Variants in SUGCT observed in about 807,000 individuals in gnomAD.
The protein encoded by SUGCT is succinyl-CoA:glutarate CoA-transferase.
SUGCT carries 41 observed loss-of-function variants against 55.0 expected under a neutral mutation model. That is an observed-to-expected ratio of 0.74 (90% CI 0.58 to 0.97). The LOEUF (loss-of-function observed/expected upper bound fraction) is 0.97. SUGCT is among the 50% of genes least tolerant of loss of function. SUGCT has a pLI of 0.00. For missense variants in SUGCT, 568 were observed against 547.8 expected (o/e 1.04, Z -0.37); for synonymous variants, 187 against 200.4 (o/e 0.93, Z 0.56).
intron 6 of SUGCT, among the ~76,000 whole-genome samples, chr7:40,221,816 G>A (rs1788040717): frequency 6.6e-6 from 1 of 152,096 alleles, no homozygotes; most frequent in African/African-American, 2.4e-5. Context: ...ATTAATAAAT[G>A]TTAATTGAAT....
intron 13 of SUGCT, among the ~76,000 whole-genome samples, chr7:40,843,775 G>T (rs570574823): frequency 1.3e-5 from 2 of 152,054 alleles, no homozygotes; most frequent in Admixed American, 1.3e-4. Context: ...GAACCCCATC[G>T]CCTATTGTGA....
At chr7:40,656,854 C>A (rs545903629) in intron 12 of SUGCT, among the ~76,000 whole-genome samples, 7 of 152,338 alleles carry the variant, frequency 4.6e-5, no homozygotes, top group African/African-American at 1.7e-4. Context: ...AGACCCTCAA[C>A]TGGGGCTTTC....
chr7:40,711,390 G>A (rs1026837899), intron 12 of SUGCT, among the ~76,000 whole-genome samples: 4 of 151,970 alleles, frequency 2.6e-5, no homozygotes, highest in Non-Finnish European at 5.9e-5. Context: ...CACACCTGTA[G>A]TCCCAGCTGC....
chr7:40,287,795 G>A (rs930844381), intron 8 of SUGCT, among the ~76,000 whole-genome samples: 13 of 152,050 alleles, frequency 8.5e-5, no homozygotes, highest in African/African-American at 3.1e-4. Flanking sequence ...CATAGTGCCT[G>A]GCTTTCCTTA....
At chr7:40,518,915 T>G (rs1049712266) in intron 12 of SUGCT, among the ~76,000 whole-genome samples, 3 of 152,078 alleles carry the variant, frequency 2.0e-5, no homozygotes, top group African/African-American at 7.2e-5. Flanking sequence ...CATGATATAA[T>G]AAATGCTTAA....
chr7:40,947,536 G>A, the SUGCT span, among the ~76,000 whole-genome samples: 1 of 150,750 alleles, frequency 6.6e-6, no homozygotes, highest in Non-Finnish European at 1.5e-5. Flanking sequence ...GCATGTCTAA[G>A]AATTTTTCTG....
chr7:40,363,050 T>G (rs1369177218), intron 9 of SUGCT, among the ~76,000 whole-genome samples: 1 of 152,210 alleles, frequency 6.6e-6, no homozygotes, highest in Non-Finnish European at 1.5e-5. Flanking sequence ...GGAGGGTGTA[T>G]GTGTCGAGGA....
intron 13 of SUGCT, among the ~76,000 whole-genome samples, chr7:40,750,127 A>C (rs1188417448): frequency 6.6e-6 from 1 of 152,112 alleles, no homozygotes; most frequent in African/African-American, 2.4e-5. Context: ...CCTCATGCCT[A>C]CTCTCAAAGC....
Position 40,244,205 on chromosome 7 carries a change from G to A in SUGCT, c.576+6479G>A, listed in dbSNP as rs1007656664. Among the ~76,000 whole-genome samples, 4 of 152,192 alleles carry A rather than the reference G, an allele frequency of 2.6e-5. No individual in the cohort carries two copies. The South Asian group carries it at 8.3e-4, about 32-fold the overall frequency. The stretch of plus-strand genomic sequence containing the variant: ...AACAAAATTAAAAAATATATATAAA[G>A]TATAAATGTGGTTCAGGGTAGGACT... On this transcript the variant is annotated intron_variant, in intron 7 of 13. Coordinates refer to ENST00000335693, the MANE Select transcript of SUGCT (RefSeq NM_001193313.2).
At chr7:40,982,246 T>A in the SUGCT span, among the ~76,000 whole-genome samples, 3 of 152,300 alleles carry the variant, frequency 2.0e-5, no homozygotes, top group African/African-American at 4.8e-5. Flanking sequence ...ACAGTGAACA[T>A]TAGAATGTTC....
chr7:40,300,158 C>G (rs1794448362), intron 8 of SUGCT, among the ~76,000 whole-genome samples: 1 of 152,148 alleles, frequency 6.6e-6, no homozygotes, highest in African/African-American at 2.4e-5. Flanking sequence ...TACAATTCTT[C>G]TTACTTTTGA....
At chr7:40,334,616 A>G (rs1796569310) in intron 9 of SUGCT, among the ~76,000 whole-genome samples, 1 of 151,904 alleles carries the variant, frequency 6.6e-6, no homozygotes, top group Non-Finnish European at 1.5e-5. Context: ...TTTTTCTTGT[A>G]AATTTGTTTA....
chr7:40,460,390 C>A lies in SUGCT; in HGVS notation c.986+1192C>A, dbSNP rs540988912. 3.3e-5 allele frequency among the ~76,000 whole-genome samples: 5 copies of A among 152,240 alleles called. No individual in the cohort carries two copies. The South Asian group carries it at 1.0e-3, about 32-fold the overall frequency. On this transcript the variant is annotated intron_variant, in intron 11 of 13. Coordinates refer to ENST00000335693, the MANE Select transcript of SUGCT (RefSeq NM_001193313.2). ...ATATAACTCTGATTCTACCGCGAAG[C>A]CCCAGAGCCCTCAATGATTAACTTT...
At chr7:40,566,357 A>G in intron 12 of SUGCT, among the ~76,000 whole-genome samples, 1 of 152,152 alleles carries the variant, frequency 6.6e-6, no homozygotes, top group East Asian at 1.9e-4. Context: ...TTATTTTTAC[A>G]TGGTGTTAAT....
intron 12 of SUGCT, among the ~76,000 whole-genome samples, chr7:40,556,437 T>C (rs1415871940): frequency 1.3e-5 from 2 of 152,232 alleles, no homozygotes; most frequent in Non-Finnish European, 2.9e-5. Flanking sequence ...TCAGTCCTGC[T>C]TTCCTTATTC....
intron 12 of SUGCT, among the ~76,000 whole-genome samples, chr7:40,623,309 C>A (rs1799362132): frequency 6.6e-6 from 1 of 152,130 alleles, no homozygotes; most frequent in South Asian, 2.1e-4. Flanking sequence ...CAGTCATCCC[C>A]AGGATTTTAG....
At chr7:40,733,595 G>A (rs1346029609) in intron 12 of SUGCT, among the ~76,000 whole-genome samples, 1 of 152,144 alleles carries the variant, frequency 6.6e-6, no homozygotes, top group African/African-American at 2.4e-5. Context: ...GCCTTTTTGA[G>A]CCTGAGCAAA....
intron 12 of SUGCT, among the ~76,000 whole-genome samples, chr7:40,713,419 G>C (rs1785834717): frequency 2.0e-5 from 3 of 152,160 alleles, no homozygotes; most frequent in Admixed American, 2.0e-4. Context: ...TCTTCTGCAG[G>C]CCTCTTTGAT....
chr7:40,656,644 C>T (rs1304345007), intron 12 of SUGCT, among the ~76,000 whole-genome samples: 1 of 152,204 alleles, frequency 6.6e-6, no homozygotes, highest in East Asian at 1.9e-4. Flanking sequence ...CTCTCAAACT[C>T]ATTTAGATGC....
Sources: allele counts gnomAD v4.1 joint callset (sites outside exome capture counted in the v4.1 genomes callset), GRCh38; gene constraint gnomAD v4.1.1; transcripts MANE v1.5; gene names NCBI Gene and HGNC (gene_info 2026-07-23, HGNC 2026-07-21).